The following IL19 variants were observed in gnomAD, a reference collection of about 807,000 sequenced individuals.
IL19 encodes the protein interleukin-19.
IL19 carries 15 observed loss-of-function variants against 19.5 expected under a neutral mutation model. That is an observed-to-expected ratio of 0.77 (90% CI 0.52 to 1.19). IL19 has a LOEUF of 1.19. Ranked by LOEUF, IL19 falls within the 50% of genes most tolerant of loss-of-function variation. The pLI, the probability that IL19 is intolerant of heterozygous loss-of-function variation, is 0.00. For synonymous variants in IL19, 78 were observed against 78.3 expected, an observed-to-expected ratio of 1.00 and a Z score of 0.02; for missense variants, 199 against 213.1, an observed-to-expected ratio of 0.93 and a Z score of 0.41.
intron 2 of IL19, among the ~76,000 whole-genome samples, chr1:206,814,688 T>A (rs1269113598): frequency 8.8e-6 from 1 of 113,920 alleles, no homozygotes; most frequent in Non-Finnish European, 1.8e-5. Flanking sequence ...AGTGAAACTC[T>A]GTCACACACA....
intron 2 of IL19, among the ~76,000 whole-genome samples, chr1:206,825,984 G>A (rs1376631654): frequency 6.6e-6 from 1 of 152,144 alleles, no homozygotes; most frequent in Admixed American, 6.5e-5. Flanking sequence ...TTAAAAATGG[G>A]GCCATCTGGC....
chr1:206,824,398 A>G (rs1231750583), intron 2 of IL19, among the ~76,000 whole-genome samples: 1 of 152,236 alleles, frequency 6.6e-6, no homozygotes, highest in East Asian at 1.9e-4. Flanking sequence ...TGATGGACAG[A>G]TGCTGTTTGT....
intron 2 of IL19, chr1:206,828,971 T>A (rs1243382597): frequency 6.6e-6 from 1 of 150,752 alleles, no homozygotes; most frequent in African/African-American, 2.4e-5. Flanking sequence ...ACTACAGGTG[T>A]GCATGAGGAC....
intron 2 of IL19, among the ~76,000 whole-genome samples, chr1:206,823,875 C>G (rs1044267678): frequency 3.9e-5 from 6 of 152,148 alleles, no homozygotes; most frequent in Non-Finnish European, 7.4e-5. Context: ...ACAGGATGTT[C>G]CTGCCAAGGG....
At chr1:206,781,501 T>C (rs1251449389) in intron 1 of IL19, among the ~76,000 whole-genome samples, 1 of 145,406 alleles carries the variant, frequency 6.9e-6, no homozygotes, top group Non-Finnish European at 1.5e-5. Context: ...AAGGACATCA[T>C]CCTGCCCATT....
At chr1:206,774,191 CTG>C (rs1339623794) in intron 1 of IL19, among the ~76,000 whole-genome samples, 1 of 152,220 alleles carries the variant, frequency 6.6e-6, no homozygotes, top group Non-Finnish European at 1.5e-5. Context: ...GATGTCCCTG[CTG>C]TGTGACCTAT....
chr1:206,771,096 G>A lies in IL19; in HGVS notation c.-149+18G>A, dbSNP rs765131042. On this transcript the variant is annotated intron_variant, in intron 1 of 6. Transcript: ENST00000659997. Reference sequence around the variant, plus strand: ...AGCCAAAGGTGAGTGAGAGATTGGCGGAGGTGGCTGGGAGGAGGGGCTGCT... The same window carrying A: ...AGCCAAAGGTGAGTGAGAGATTGGCAGAGGTGGCTGGGAGGAGGGGCTGCT... 1.7e-5 allele frequency: 28 copies of A among 1,611,854 alleles called. No homozygotes were observed. The highest frequency in any genetic ancestry group is 2.1e-5 in the Non-Finnish European group (25 of 1,178,380).
intron 2 of IL19, among the ~76,000 whole-genome samples, chr1:206,816,298 G>T (rs772653887): frequency 2.6e-5 from 4 of 152,012 alleles, no homozygotes; most frequent in African/African-American, 9.7e-5. Context: ...ATCTTTAAAA[G>T]ATAATTATTT....
chr1:206,782,439 G>C (rs747424548), intron 1 of IL19, among the ~76,000 whole-genome samples: 10 of 152,200 alleles, frequency 6.6e-5, no homozygotes, highest in Admixed American at 3.3e-4. Context: ...AGAAATCTCT[G>C]GGTGAGGACA....
At chr1:206,832,484 A>T (rs1676640057) in intron 2 of IL19, among the ~76,000 whole-genome samples, 1 of 152,200 alleles carries the variant, frequency 6.6e-6, no homozygotes, top group South Asian at 2.1e-4. Flanking sequence ...AGCAAGGCAG[A>T]GAGGGTACCT....
chr1:206,842,597 A>T lies in IL19; in HGVS notation c.509A>T (p.Asn170Ile). The T allele has an allele frequency of 6.4e-7, 1 of 1,571,384 alleles. No individual in the cohort carries two copies. Among genetic ancestry groups the T allele is most frequent in the Non-Finnish European group, 8.7e-7 (1 of 1,155,308 alleles). Residue 170 changes from asparagine to isoleucine, a missense_variant, in exon 7 of 7, where the codon AAT (asparagine) becomes ATT (isoleucine). Physicochemically the swap from Asn to Ile is moderately radical, Grantham distance 149. Coordinates refer to ENST00000659997, the MANE Select transcript of IL19 (RefSeq NM_153758.5). ...LDVFLAWINK[N>I]HEVMFSA ...GTCTTTCTAGCCTGGATTAATAAGA[A>T]TCATGAAGTAATGTTCTCAGCTTGA... is the stretch of plus-strand genomic sequence containing the variant.
intron 2 of IL19, among the ~76,000 whole-genome samples, chr1:206,807,812 AG>A (rs1182429531): frequency 6.6e-6 from 1 of 152,220 alleles, no homozygotes; most frequent in Non-Finnish European, 1.5e-5. Flanking sequence ...TATTTGTAGG[AG>A]GAAGGCAAAA....
At chr1:206,817,739 T>G (rs941239432) in intron 2 of IL19, among the ~76,000 whole-genome samples, 1 of 152,016 alleles carries the variant, frequency 6.6e-6, no homozygotes, top group East Asian at 1.9e-4. Flanking sequence ...ATAGAAAAAT[T>G]TACAATTATG....
chr1:206,772,002 G>A (rs368034122), intron 1 of IL19, among the ~76,000 whole-genome samples: 41 of 152,210 alleles, frequency 2.7e-4, no homozygotes, highest in African/African-American at 8.9e-4. Context: ...AGTATAGAGC[G>A]CCAGCAGGAT....
intron 1 of IL19, among the ~76,000 whole-genome samples, chr1:206,793,079 T>C (rs1675444020): frequency 6.6e-6 from 1 of 152,220 alleles, no homozygotes. Context: ...TTAGAAGGAT[T>C]TGCATCTGAG....
At chr1:206,785,213 C>G (rs1041900979) in intron 1 of IL19, among the ~76,000 whole-genome samples, 3 of 152,138 alleles carry the variant, frequency 2.0e-5, no homozygotes, top group African/African-American at 7.2e-5. Flanking sequence ...GAAGGAGGGT[C>G]CATGCAGGTA....
At chr1:206,820,574 G>A (rs1676267242) in intron 2 of IL19, among the ~76,000 whole-genome samples, 1 of 152,194 alleles carries the variant, frequency 6.6e-6, no homozygotes, top group African/African-American at 2.4e-5. Flanking sequence ...TAAAGTGGTT[G>A]TTTGATAATT....
At position 206,778,162 on chromosome 1, in the gene IL19, G is replaced by A. The variant is rs183429866; in HGVS notation, c.-149+7084G>A. ...AAGCGCCCTTCCGAGGATCATGGCCGGCAGACACTGCAAACCACAGATGAG... is the reference window on the plus strand; with the variant it reads ...AAGCGCCCTTCCGAGGATCATGGCCAGCAGACACTGCAAACCACAGATGAG... On this transcript the variant is annotated intron_variant, in intron 1 of 6. Transcript: ENST00000659997. 3.9e-5 allele frequency among the ~76,000 whole-genome samples: 6 copies of A among 152,210 alleles called. No individual in the cohort carries two copies. The East Asian group carries it at 7.7e-4, about 20-fold the overall frequency.
chr1:206,830,224 T>G (rs1558620817), intron 2 of IL19, among the ~76,000 whole-genome samples: 1 of 152,184 alleles, frequency 6.6e-6, no homozygotes, highest in Non-Finnish European at 1.5e-5. Flanking sequence ...GGTTCACTTC[T>G]CTATTTCTTC....
Sources: allele counts gnomAD v4.1 joint callset (sites outside exome capture counted in the v4.1 genomes callset), GRCh38; gene constraint gnomAD v4.1.1; transcripts MANE v1.5; gene names NCBI Gene and HGNC (gene_info 2026-07-23, HGNC 2026-07-21).